Variants in PTBP2 observed in about 807,000 individuals in gnomAD.
PTBP2 encodes polypyrimidine tract-binding protein 2.
Under a neutral mutation model 61.4 loss-of-function variants are expected in PTBP2, and 13 were observed. The ratio of observed to expected loss-of-function variants is 0.21; its 90% CI spans 0.14 to 0.34. The LOEUF is 0.34. Ranked by LOEUF, PTBP2 falls within the 10% of genes least tolerant of loss-of-function variation. The pLI, the probability that PTBP2 is intolerant of heterozygous loss-of-function variation, is 1.00. For synonymous variants in PTBP2, 215 were observed against 218.5 expected (o/e 0.98, Z 0.14); for missense variants, 405 against 642.6 (o/e 0.63, Z 4.00).
Position 96,813,037 on chromosome 1 carries a change from T to G in PTBP2, c.1397T>G (p.Val466Gly). 1 of 1,612,724 alleles carries G rather than the reference T, an allele frequency of 6.2e-7. No individual in the cohort carries two copies. The highest frequency in any genetic ancestry group is 8.5e-7 in the Non-Finnish European group (1 of 1,178,920). The change falls in exon 13 of 14, where the codon GTA (valine) becomes GGA (glycine). Residue 466 changes from valine to glycine, a missense_variant. Physicochemically the swap from Val to Gly is moderately radical, Grantham distance 109 (BLOSUM62 -3). Transcript: ENST00000674951. ...CCATTCAATTTTCCTAGTCCATCAG[T>G]AGCAGAAGAGGATCTACGAACACTG... Reference protein sequence around the residue: ...TLHLSNIPPSVAEEDLRTLFA... With the variant: ...TLHLSNIPPSGAEEDLRTLFA...
exon 14 of PTBP2, chr1:96,822,270 T>C (rs1662706009): frequency 6.6e-6 from 1 of 152,110 alleles, no homozygotes; most frequent in Non-Finnish European, 1.5e-5. Context: ...ATTACCTGGG[T>C]TGGAGGTAAG....
chr1:96,725,117 T>C (rs893171331), intron 2 of PTBP2, among the ~76,000 whole-genome samples: 1 of 152,134 alleles, frequency 6.6e-6, no homozygotes, highest in Non-Finnish European at 1.5e-5. Context: ...AAATGGTAGA[T>C]GTTGTAGGTT....
In PTBP2 at chr1:96,811,599, T is replaced by G. The variant is rs190407025; in HGVS notation, c.1172-1113T>G. ...GCCCAGCTAATTTTTGTATTTTTAG[T>G]AGAGATGGGGTGTTACCATATTGGC... On this transcript the variant is annotated intron_variant, in intron 11 of 13. Coordinates refer to ENST00000674951, the MANE Select transcript of PTBP2 (RefSeq NM_021190.4). Among the ~76,000 whole-genome samples the G allele has an allele frequency of 2.9e-3, 440 of 151,858 alleles. 2 individuals carry two copies. The highest frequency in any genetic ancestry group is 0.01 in the African/African-American group (430 of 41,184).
chr1:96,734,205 A>T (rs1266581747), intron 2 of PTBP2, among the ~76,000 whole-genome samples: 1 of 152,196 alleles, frequency 6.6e-6, no homozygotes, highest in African/African-American at 2.4e-5. Flanking sequence ...CAAAACCATT[A>T]GTAACCCATA....
chr1:96,810,646 G>GAC (rs1212281136), intron 11 of PTBP2, among the ~76,000 whole-genome samples: 12 of 152,032 alleles, frequency 7.9e-5, no homozygotes, highest in Non-Finnish European at 1.8e-4. Context: ...TCTGCTGTTT[G>GAC]TGCTGTCTTT....
intron 8 of PTBP2, among the ~76,000 whole-genome samples, chr1:96,785,505 C>T (rs1229308342): frequency 6.6e-6 from 1 of 152,090 alleles, no homozygotes; most frequent in Non-Finnish European, 1.5e-5. Context: ...TGCCACTCTC[C>T]CAGAACAAAA....
chr1:96,804,219 C>T (rs1661292682), intron 8 of PTBP2, among the ~76,000 whole-genome samples: 1 of 152,048 alleles, frequency 6.6e-6, no homozygotes, highest in Non-Finnish European at 1.5e-5. Context: ...ATTTTAATTA[C>T]TTGAGTGTAT....
At chr1:96,762,345 G>A (rs1442778972) in intron 3 of PTBP2, among the ~76,000 whole-genome samples, 6 of 151,220 alleles carry the variant, frequency 4.0e-5, no homozygotes, top group South Asian at 2.1e-4. Context: ...AGGGGCAGCC[G>A]GGCAGAGGCG....
chr1:96,787,445 C>T (rs1165634204), intron 8 of PTBP2, among the ~76,000 whole-genome samples: 6 of 152,120 alleles, frequency 3.9e-5, no homozygotes, highest in Admixed American at 6.6e-5. Context: ...TTTAGTATAA[C>T]GCATTTTTGT....
intron 3 of PTBP2, among the ~76,000 whole-genome samples, chr1:96,752,075 ATGT>A (rs1291414373): frequency 2.6e-5 from 4 of 152,106 alleles, no homozygotes; most frequent in African/African-American, 9.7e-5. Flanking sequence ...GTCTGAAATA[ATGT>A]TGTTTGTAGC....
intron 2 of PTBP2, among the ~76,000 whole-genome samples, chr1:96,726,689 G>A (rs1008811759): frequency 2.0e-5 from 3 of 151,904 alleles, no homozygotes; most frequent in African/African-American, 2.4e-5. Context: ...TGCCTGCCTC[G>A]GCCTCCCAAA....
chr1:96,781,407 A>G (rs940655020), intron 7 of PTBP2, among the ~76,000 whole-genome samples: 2 of 151,986 alleles, frequency 1.3e-5, no homozygotes, highest in African/African-American at 4.8e-5. Context: ...AAGACTCTAA[A>G]TCAGTCCTCA....
At position 96,754,701 on chromosome 1, in the gene PTBP2, A is replaced by G. The variant is rs1197301619; in HGVS notation, c.115+3201A>G. Among the ~76,000 whole-genome samples the G allele has an allele frequency of 2.0e-5, 3 of 152,212 alleles. 1 individual carries two copies. The highest frequency in any genetic ancestry group is 2.0e-4 in the Admixed American group (3 of 15,280). ...GAGCAGAGAGTTCAGAAGTTAACTC[A>G]CACAATTATGGATAACTGATTTTTG... On this transcript the variant is annotated intron_variant, in intron 3 of 13. Transcript: ENST00000674951.
At chr1:96,807,655 A>G (rs1358376862) in intron 11 of PTBP2, among the ~76,000 whole-genome samples, 2 of 152,118 alleles carry the variant, frequency 1.3e-5, no homozygotes, top group African/African-American at 2.4e-5. Context: ...TAATTTGTAA[A>G]TTTGCCATTT....
intron 2 of PTBP2, among the ~76,000 whole-genome samples, chr1:96,746,297 G>A (rs1653758395): frequency 6.6e-6 from 1 of 152,038 alleles, no homozygotes; most frequent in African/African-American, 2.4e-5. Flanking sequence ...GTGCGTAGGA[G>A]TTCTTGCTGT....
chr1:96,735,043 A>T (rs1651982575), intron 2 of PTBP2, among the ~76,000 whole-genome samples: 1 of 150,824 alleles, frequency 6.6e-6, no homozygotes, highest in South Asian at 2.1e-4. Flanking sequence ...TCAGCTTCCC[A>T]AGTAGCTGGA....
At chr1:96,797,028 A>G (rs1315304286) in intron 8 of PTBP2, among the ~76,000 whole-genome samples, 1 of 152,236 alleles carries the variant, frequency 6.6e-6, no homozygotes, top group Non-Finnish European at 1.5e-5. Context: ...AAGTCATAGG[A>G]TGATGCAGGG....
intron 5 of PTBP2, among the ~76,000 whole-genome samples, chr1:96,773,942 G>A (rs1374659186): frequency 2.1e-5 from 3 of 140,600 alleles, no homozygotes; most frequent in East Asian, 2.2e-4. Flanking sequence ...CAGCCTGGGC[G>A]ACAGAGCGAG....
chr1:96,723,699 C>T (rs1200295037), intron 2 of PTBP2, 105 bp downstream of exon 2: 1 of 980,900 alleles, frequency 1.0e-6, no homozygotes, highest in African/African-American at 1.6e-5. Context: ...CTAACAAAAC[C>T]CAAGTGTAAA....
Sources: gnomAD v4.1 joint callset for allele counts (sites outside exome capture counted in the v4.1 genomes callset) on GRCh38, gnomAD v4.1.1 for gene constraint, MANE v1.5 for transcripts, NCBI Gene and HGNC (gene_info 2026-07-23, HGNC 2026-07-21) for gene names.